Variants in FAM83D observed in about 807,000 individuals in gnomAD.
The protein encoded by FAM83D is protein FAM83D.
A neutral mutation model predicts 25.4 loss-of-function variants in FAM83D; 26 were observed. That is an observed-to-expected ratio of 1.02 (90% CI 0.75 to 1.42). FAM83D has a LOEUF of 1.42. Among genes scored for constraint, FAM83D ranks in the 40% most tolerant of loss-of-function variants. The probability of loss-of-function intolerance (pLI) is 0.00; values close to 1 mark genes in which losing one functional copy is unlikely to be tolerated. For synonymous variants in FAM83D, 310 were observed against 318.5 expected, an observed-to-expected ratio of 0.97 and a Z score of 0.28; for missense variants, 740 against 758.1, an observed-to-expected ratio of 0.98 and a Z score of 0.28.
chr20:38,946,106 A>G (rs1413899913), intron 2 of FAM83D, among the ~76,000 whole-genome samples: 1 of 142,070 alleles, frequency 7.0e-6, no homozygotes. Flanking sequence ...GCTACTCGGG[A>G]GGCTGAGGCA....
In FAM83D at chr20:38,947,773, A is replaced by G. The variant is rs939153111; in HGVS notation, c.652-103A>G. ...CTAAGCCACGCATATGCCAATAATT[A>G]TATCTGGGAATTGTAAACTAAGGCT... On this transcript the variant is annotated intron_variant, in intron 2 of 3. Coordinates refer to ENST00000619850, the MANE Select transcript of FAM83D (RefSeq NM_030919.3). 6 of 1,384,916 alleles carry G rather than the reference A, an allele frequency of 4.3e-6. No individual in the cohort carries two copies. In the African/African-American group the frequency reaches 8.6e-5, roughly 20 times the overall value. 85.8% of individuals were successfully genotyped at this position (1,384,916 alleles called of 1,614,324 possible).
At chr20:38,950,521 C>A (rs2085748362) in intron 3 of FAM83D, among the ~76,000 whole-genome samples, 1 of 152,190 alleles carries the variant, frequency 6.6e-6, no homozygotes. Flanking sequence ...AGCACAGCCC[C>A]ATGACTGTGG....
chr20:38,948,274 G>T (rs1406413450), intron 3 of FAM83D, among the ~76,000 whole-genome samples: 1 of 152,170 alleles, frequency 6.6e-6, no homozygotes. Context: ...TTCAAGCCTT[G>T]GCCCAGGTCT....
chr20:38,930,617 A>G (rs904930015), intron 1 of FAM83D, among the ~76,000 whole-genome samples: 4 of 151,878 alleles, frequency 2.6e-5, no homozygotes, highest in Non-Finnish European at 4.4e-5. Context: ...AGTAGCTGGG[A>G]TTACAGGAGC....
At chr20:38,937,483 A>C (rs1268185531) in intron 1 of FAM83D, among the ~76,000 whole-genome samples, 2 of 152,164 alleles carry the variant, frequency 1.3e-5, no homozygotes, top group Non-Finnish European at 2.9e-5. Flanking sequence ...TTAGTGGATG[A>C]GTCCAGGTCA....
intron 2 of FAM83D, 57 bp downstream of exon 2, chr20:38,942,183 A>G: frequency 6.3e-7 from 1 of 1,580,434 alleles, no homozygotes; most frequent in Non-Finnish European, 8.7e-7. Context: ...CCAAGCATCC[A>G]TTATCTACAA....
rs1423259480 is a variant in FAM83D at position 38,941,993 on chromosome 20, T to C, written c.518T>C (p.Ile173Thr). ...GTGGTCATGGACGTGTTCACAGACA[T>C]CGACATCTTCAGAGACCTGCAAGAA... ...IAVVMDVFTDIDIFRDLQEIC... is the reference protein window; with the variant it reads ...IAVVMDVFTDTDIFRDLQEIC... The change falls in exon 2 of 4, where the codon ATC becomes ACC. Residue 173 changes from isoleucine (I) to threonine (T), a missense_variant. Transcript: ENST00000619850. The C allele has an allele frequency of 6.2e-7, 1 of 1,614,158 alleles. No homozygotes were observed.
chr20:38,946,209 A>AC (rs2085727682), intron 2 of FAM83D, among the ~76,000 whole-genome samples: 1 of 151,916 alleles, frequency 6.6e-6, no homozygotes, highest in Non-Finnish European at 1.5e-5. Context: ...AAAAAAAAAA[A>AC]AAAAAAAAAA....
rs1326013859 is a variant in FAM83D at position 38,952,358 on chromosome 20, A to C, written c.1596A>C (p.Gln532His). ...DSLRNLNKER[Q>H]FHFAGIRSRL... Reference sequence around the variant, plus strand: ...TTAGAAACTTGAACAAAGAGCGGCAATTCCACTTCGCTGGTATCAGGTCCC... The same window carrying C: ...TTAGAAACTTGAACAAAGAGCGGCACTTCCACTTCGCTGGTATCAGGTCCC... Residue 532 changes from glutamine (Q) to histidine (H), a missense_variant, in exon 4 of 4, where the codon CAA (glutamine) becomes CAC (histidine). This residue lies in a region of FAM83D where 375 missense variants were observed against 403.2 expected (regional missense o/e 0.93). Transcript: ENST00000619850. 1 of 1,614,192 alleles carries C rather than the reference A, an allele frequency of 6.2e-7. No homozygotes were observed. Among genetic ancestry groups the C allele is most frequent in the Non-Finnish European group, 8.5e-7 (1 of 1,180,028 alleles).
rs1439723681 is a variant in FAM83D at position 38,926,467 on chromosome 20, G to C, written c.25G>C (p.Asp9His). 1 of 1,597,846 alleles carries C rather than the reference G, an allele frequency of 6.3e-7. No homozygotes were observed. The highest frequency in any genetic ancestry group is 8.5e-7 in the Non-Finnish European group (1 of 1,178,664). ...CATGGCTCTGCTGTCCGAGGGCCTG[G>C]ACGAGGTGCCCGCCGCCTGCCTGTC... MALLSEGL[D>H]EVPAACLSPC... The change falls in exon 1 of 4, where the codon GAC becomes CAC. Residue 9 changes from aspartate (D) to histidine (H), a missense_variant. Physicochemically the swap from Asp to His is moderately conservative, Grantham distance 81. Around this residue, in one of 3 missense-constraint regions of FAM83D, gnomAD observed 333 missense variants for 298.6 expected, o/e 1.12. Coordinates refer to ENST00000619850, the MANE Select transcript of FAM83D (RefSeq NM_030919.3).
chr20:38,933,416 A>G (rs1435576449), intron 1 of FAM83D, among the ~76,000 whole-genome samples: 2 of 152,186 alleles, frequency 1.3e-5, no homozygotes, highest in Non-Finnish European at 2.9e-5. Context: ...AAACTTATCT[A>G]TTTTACCACA....
At position 38,926,578 on chromosome 20, in the gene FAM83D, G is replaced by T. The variant is rs752565827; in HGVS notation, c.136G>T (p.Ala46Ser). 2 of 1,554,316 alleles carry T rather than the reference G, an allele frequency of 1.3e-6. No homozygotes were observed. The highest frequency in any genetic ancestry group is 2.3e-5 in the South Asian group (2 of 86,542). ...GGAGCTGGTGGCGGGCGGCCCCGAA[G>T]CCTTCGCGGCCTTCCTGCGACGCGA... is the stretch of plus-strand genomic sequence containing the variant. ...LEELVAGGPE[A>S]FAAFLRRERL... is the part of the protein sequence containing the mutation. Residue 46 changes from alanine (A) to serine (S), a missense_variant, in exon 1 of 4, where the codon GCC becomes TCC. Coordinates refer to ENST00000619850, the MANE Select transcript of FAM83D (RefSeq NM_030919.3).
At chr20:38,941,813 G>T (rs1023758722) in intron 1 of FAM83D, 146 bp from the exon 2 acceptor site, 8 of 763,216 alleles carry the variant, frequency 1.0e-5, no homozygotes, top group African/African-American at 1.0e-4. Flanking sequence ...GGTGAGGGGG[G>T]CACCAACACT....
At chr20:38,930,734 G>A (rs1034608857) in intron 1 of FAM83D, among the ~76,000 whole-genome samples, 1 of 151,814 alleles carries the variant, frequency 6.6e-6, no homozygotes, top group African/African-American at 2.4e-5. Context: ...AGTAACCTCT[G>A]CCTCCCAGGT....
intron 3 of FAM83D, among the ~76,000 whole-genome samples, chr20:38,949,407 G>GTTC (rs2085743219): frequency 6.6e-6 from 1 of 152,092 alleles, no homozygotes; most frequent in Non-Finnish European, 1.5e-5. Flanking sequence ...TGATCCGCTG[G>GTTC]CCTCGGCCTA....
intron 1 of FAM83D, among the ~76,000 whole-genome samples, chr20:38,931,320 C>G (rs1186063184): frequency 1.3e-5 from 2 of 152,222 alleles, no homozygotes; most frequent in Non-Finnish European, 2.9e-5. Flanking sequence ...CTCAACCCAT[C>G]AAGTGGGGAA....
intron 2 of FAM83D, among the ~76,000 whole-genome samples, chr20:38,946,737 A>C (rs571962505): frequency 6.6e-6 from 1 of 152,232 alleles, no homozygotes; most frequent in Non-Finnish European, 1.5e-5. Context: ...AAATCCATCC[A>C]AGATGTGCAC....
At chr20:38,933,870 T>C (rs550426230) in intron 1 of FAM83D, among the ~76,000 whole-genome samples, 1 of 151,870 alleles carries the variant, frequency 6.6e-6, no homozygotes, top group African/African-American at 2.4e-5. Flanking sequence ...CTTTCTTTTT[T>C]TTTTTTTGAG....
chr20:38,934,462 C>T (rs1398903580), intron 1 of FAM83D, among the ~76,000 whole-genome samples: 3 of 140,452 alleles, frequency 2.1e-5, no homozygotes, highest in East Asian at 2.1e-4. Context: ...CATTGCACTC[C>T]GGCCTGGGCA....
Sources: gnomAD v4.1 joint callset for allele counts (sites outside exome capture counted in the v4.1 genomes callset) on GRCh38, gnomAD v4.1.1 for gene constraint, gnomAD v4.1.1 regional missense constraint, MANE v1.5 for transcripts, NCBI Gene and HGNC (gene_info 2026-07-23, HGNC 2026-07-21) for gene names.